PAK1: variants seen among roughly 807,000 people sequenced by gnomAD.
PAK1 encodes serine/threonine-protein kinase PAK 1.
Under a neutral mutation model 67.4 loss-of-function variants are expected in PAK1, and 29 were observed. The observed-to-expected ratio is 0.43, with a 90% CI of 0.32 to 0.59. The LOEUF (loss-of-function observed/expected upper bound fraction) is 0.59, where lower values mean the gene tolerates loss of function less well. Ranked by LOEUF, PAK1 falls within the 20% of genes least tolerant of loss-of-function variation. The probability of loss-of-function intolerance (pLI) is 0.07; values close to 1 mark genes in which losing one functional copy is unlikely to be tolerated. For synonymous variants in PAK1, 223 were observed against 237.4 expected (o/e 0.94, Z 0.56); for missense variants, 337 against 670.7 (o/e 0.50, Z 5.50).
intron 1 of PAK1, among the ~76,000 whole-genome samples, chr11:77,461,429 A>T (rs552349205): frequency 6.6e-6 from 1 of 152,352 alleles, no homozygotes; most frequent in African/African-American, 2.4e-5. Context: ...AATCAGTTGA[A>T]AGGCTTTAAG....
chr11:77,465,561 G>A (rs1023976743), intron 1 of PAK1, among the ~76,000 whole-genome samples: 1 of 151,666 alleles, frequency 6.6e-6, no homozygotes, highest in African/African-American at 2.4e-5. Flanking sequence ...AATTACATAT[G>A]TAATTTATTA....
chr11:77,445,622 G>A (rs1378151757), intron 1 of PAK1, among the ~76,000 whole-genome samples: 1 of 152,198 alleles, frequency 6.6e-6, no homozygotes, highest in Non-Finnish European at 1.5e-5. Context: ...GTTTTAGAAT[G>A]TGATAACCAG....
intron 1 of PAK1, among the ~76,000 whole-genome samples, chr11:77,427,849 T>C (rs1435013452): frequency 6.6e-6 from 1 of 152,252 alleles, no homozygotes; most frequent in African/African-American, 2.4e-5. Context: ...TTCCTCACTG[T>C]ATTCAGGCTC....
intron 4 of PAK1, 193 bp downstream of exon 4, chr11:77,379,048 T>C: frequency 1.7e-6 from 1 of 573,672 alleles, no homozygotes; most frequent in Non-Finnish European, 3.1e-6. Flanking sequence ...ACGTGTGCAG[T>C]GACAGAGTGA....
chr11:77,493,490 G>A, the PAK1 span, among the ~76,000 whole-genome samples: 53 of 116,110 alleles, frequency 4.6e-4, no homozygotes, highest in African/African-American at 1.8e-3. Context: ...AGACGGTTTC[G>A]CCATGTTGGC....
chr11:77,469,222 C>T (rs532977517), intron 1 of PAK1, among the ~76,000 whole-genome samples: 1 of 152,294 alleles, frequency 6.6e-6, no homozygotes, highest in Admixed American at 6.5e-5. Context: ...TGGTCTGCCA[C>T]TTACTTGCAG....
chr11:77,353,676 C>T, intron 7 of PAK1, 77 bp from the exon 8 acceptor site: 1 of 1,116,164 alleles, frequency 9.0e-7, no homozygotes, highest in Non-Finnish European at 1.4e-6. Flanking sequence ...TCCCCAACCC[C>T]TGTAGCTGGC....
the PAK1 span, among the ~76,000 whole-genome samples, chr11:77,525,369 C>T: frequency 3.3e-5 from 5 of 151,890 alleles, no homozygotes; most frequent in Non-Finnish European, 7.4e-5. Context: ...TAAAACTTAT[C>T]TCTAAGTCCA....
intron 1 of PAK1, among the ~76,000 whole-genome samples, chr11:77,398,054 A>G (rs191224228): frequency 5.1e-4 from 78 of 152,356 alleles, no homozygotes; most frequent in South Asian, 3.5e-3. Context: ...GCAATGCAAA[A>G]TAATCATATC....
chr11:77,374,430 A>T (rs980021605), intron 4 of PAK1, 65 bp from the exon 5 acceptor site: 18 of 1,036,796 alleles, frequency 1.7e-5, no homozygotes, highest in Non-Finnish European at 2.6e-5. Flanking sequence ...TCTGGACAGC[A>T]AAAGAAGTCT....
At chr11:77,451,728 T>G (rs1334804073) in intron 1 of PAK1, among the ~76,000 whole-genome samples, 1 of 150,468 alleles carries the variant, frequency 6.6e-6, no homozygotes, top group African/African-American at 2.5e-5. Context: ...GCCTCCCGAG[T>G]AGCTGGGACT....
chr11:77,491,285 A>G, the PAK1 span, among the ~76,000 whole-genome samples: 1 of 152,196 alleles, frequency 6.6e-6, no homozygotes, highest in Non-Finnish European at 1.5e-5. Flanking sequence ...TAAAAGATGA[A>G]TCTGTCAAAA....
At chr11:77,327,879 T>G (rs1463140415) in intron 14 of PAK1, among the ~76,000 whole-genome samples, 1 of 152,142 alleles carries the variant, frequency 6.6e-6, no homozygotes, top group East Asian at 1.9e-4. Context: ...TGTGCTGTAT[T>G]CAGGAAACCC....
intron 1 of PAK1, among the ~76,000 whole-genome samples, chr11:77,467,680 C>A (rs1209529875): frequency 6.6e-6 from 1 of 152,192 alleles, no homozygotes; most frequent in Non-Finnish European, 1.5e-5. Flanking sequence ...TACACACAAT[C>A]ATAGTCATAA....
the PAK1 span, among the ~76,000 whole-genome samples, chr11:77,529,669 C>A: frequency 6.6e-6 from 1 of 152,172 alleles, no homozygotes; most frequent in African/African-American, 2.4e-5. Context: ...GAAAGAGACA[C>A]TCCCAGACTA....
intron 1 of PAK1, among the ~76,000 whole-genome samples, chr11:77,398,180 C>T (rs1952098550): frequency 6.6e-6 from 1 of 152,178 alleles, no homozygotes; most frequent in Admixed American, 6.5e-5. Context: ...TACAGTCACC[C>T]TGCTGTGCTA....
At chr11:77,402,567 T>C (rs553335772) in intron 1 of PAK1, among the ~76,000 whole-genome samples, 57 of 152,168 alleles carry the variant, frequency 3.7e-4, no homozygotes, top group African/African-American at 1.3e-3. Flanking sequence ...GCCTTACAGG[T>C]TGAGGCCTGT....
At chr11:77,371,418 C>T (rs1948409978) in intron 5 of PAK1, among the ~76,000 whole-genome samples, 1 of 152,158 alleles carries the variant, frequency 6.6e-6, no homozygotes, top group South Asian at 2.1e-4. Context: ...AGGATTAAGA[C>T]AGTGCACGTT....
chr11:77,428,622 T>C (rs1230949238), intron 1 of PAK1, among the ~76,000 whole-genome samples: 5 of 149,440 alleles, frequency 3.3e-5, no homozygotes, highest in Admixed American at 3.3e-4. Context: ...AGCCCAACAC[T>C]GTGGTCAGAC....
Sources: allele counts gnomAD v4.1 joint callset (sites outside exome capture counted in the v4.1 genomes callset), GRCh38; gene constraint gnomAD v4.1.1; transcripts MANE v1.5; gene names NCBI Gene and HGNC (gene_info 2026-07-23, HGNC 2026-07-21).